The following NAALADL2 variants were observed in gnomAD, a reference collection of about 807,000 sequenced individuals.
NAALADL2 encodes the protein inactive N-acetylated-alpha-linked acidic dipeptidase-like protein 2.
NAALADL2 carries 76 observed loss-of-function variants against 87.2 expected under a neutral mutation model. The ratio of observed to expected loss-of-function variants is 0.87; its 90% CI spans 0.72 to 1.05. The LOEUF (loss-of-function observed/expected upper bound fraction) is 1.05. Ranked by LOEUF, NAALADL2 falls within the 50% of genes least tolerant of loss-of-function variation. The pLI, the probability that NAALADL2 is intolerant of heterozygous loss-of-function variation, is 0.00. For missense variants in NAALADL2, 1,089 were observed against 945.8 expected (o/e 1.15, Z -1.99); for synonymous variants, 354 against 331.0 (o/e 1.07, Z -0.75).
intron 1 of NAALADL2, among the ~76,000 whole-genome samples, chr3:174,885,055 A>T (rs1332842721): frequency 1.3e-5 from 2 of 152,038 alleles, no homozygotes; most frequent in Admixed American, 1.3e-4. Flanking sequence ...TCTGCTGGGG[A>T]TGGGGAAGTT....
intron 11 of NAALADL2, among the ~76,000 whole-genome samples, chr3:175,690,747 A>G (rs2149915054): frequency 6.6e-6 from 1 of 151,740 alleles, no homozygotes; most frequent in Non-Finnish European, 1.5e-5. Context: ...TTGAAGGATG[A>G]TACATGATAA....
intron 2 of NAALADL2, among the ~76,000 whole-genome samples, chr3:175,232,550 A>G (rs1031952263): frequency 1.3e-5 from 2 of 152,172 alleles, no homozygotes; most frequent in South Asian, 2.1e-4. Context: ...AACACTAACA[A>G]TAGCTGATAA....
chr3:174,766,988 T>G (rs1200464081), intron 3 of NAALADL2, among the ~76,000 whole-genome samples: 1 of 152,210 alleles, frequency 6.6e-6, no homozygotes, highest in East Asian at 1.9e-4. Context: ...TCCATGTGAA[T>G]GGCACTGCCT....
intron 1 of NAALADL2, among the ~76,000 whole-genome samples, chr3:175,083,221 C>T (rs1188165937): frequency 2.0e-5 from 3 of 152,310 alleles, no homozygotes; most frequent in South Asian, 2.1e-4. Context: ...CCGGAAACAA[C>T]CTTCACATCT....
At chr3:174,829,152 A>G (rs2109360818) in intron 3 of NAALADL2, among the ~76,000 whole-genome samples, 1 of 151,962 alleles carries the variant, frequency 6.6e-6, no homozygotes, top group East Asian at 1.9e-4. Context: ...TTTAGGGTAC[A>G]TGTACACATT....
intron 4 of NAALADL2, among the ~76,000 whole-genome samples, chr3:175,323,661 A>G (rs868510606): frequency 4.9e-4 from 43 of 87,270 alleles, no homozygotes; most frequent in African/African-American, 2.2e-3. Context: ...AAACCGGAGG[A>G]AAAAAAAAAA....
intron 11 of NAALADL2, among the ~76,000 whole-genome samples, chr3:175,706,027 T>A (rs1340215542): frequency 2.6e-5 from 4 of 152,064 alleles, no homozygotes; most frequent in Non-Finnish European, 5.9e-5. Flanking sequence ...GACTTCAAAT[T>A]TGGACTCCAA....
chr3:174,807,629 A>G (rs1719659758), intron 3 of NAALADL2, among the ~76,000 whole-genome samples: 2 of 152,142 alleles, frequency 1.3e-5, no homozygotes, highest in Non-Finnish European at 2.9e-5. Flanking sequence ...AGAACTAGAA[A>G]TGAGCAGAAC....
intron 1 of NAALADL2, among the ~76,000 whole-genome samples, chr3:175,060,248 G>T (rs1334130162): frequency 6.6e-6 from 1 of 152,080 alleles, no homozygotes; most frequent in Non-Finnish European, 1.5e-5. Context: ...AATCATACTT[G>T]GATTTCAATA....
chr3:175,469,242 A>G (rs1284623477), intron 8 of NAALADL2, among the ~76,000 whole-genome samples: 1 of 152,094 alleles, frequency 6.6e-6, no homozygotes, highest in Non-Finnish European at 1.5e-5. Context: ...AGTGCAATTC[A>G]TGAAGCCATT....
At chr3:175,695,820 T>C (rs930288467) in intron 11 of NAALADL2, among the ~76,000 whole-genome samples, 1 of 152,132 alleles carries the variant, frequency 6.6e-6, no homozygotes, top group Admixed American at 6.6e-5. Context: ...TAATAATATA[T>C]AGTACTCAAA....
intron 2 of NAALADL2, among the ~76,000 whole-genome samples, chr3:174,695,906 T>C (rs1317661832): frequency 6.6e-6 from 1 of 152,044 alleles, no homozygotes; most frequent in Non-Finnish European, 1.5e-5. Context: ...GAGCAGATTT[T>C]TGACTGTCAA....
At chr3:174,901,694 T>A (rs146408260) in intron 1 of NAALADL2, among the ~76,000 whole-genome samples, 172 of 152,218 alleles carry the variant, frequency 1.1e-3, no homozygotes, top group African/African-American at 4.0e-3. Context: ...CCATTTCCAG[T>A]CAGGTCAGAA....
chr3:175,624,037 C>A (rs975661983), intron 10 of NAALADL2, among the ~76,000 whole-genome samples: 1 of 151,684 alleles, frequency 6.6e-6, no homozygotes, highest in African/African-American at 2.4e-5. Flanking sequence ...TAGGTACAAA[C>A]AAGTTGTTTG....
At chr3:175,263,820 C>G (rs901458618) in intron 4 of NAALADL2, among the ~76,000 whole-genome samples, 12 of 151,306 alleles carry the variant, frequency 7.9e-5, no homozygotes, top group African/African-American at 2.9e-4. Context: ...CTAAAAGTAC[C>G]CATGTTTCAG....
intron 1 of NAALADL2, among the ~76,000 whole-genome samples, chr3:174,524,540 C>A (rs1371798233): frequency 6.6e-6 from 1 of 151,928 alleles, no homozygotes; most frequent in Non-Finnish European, 1.5e-5. Context: ...TTTAGGTGGT[C>A]CCATAAAATA....
chr3:175,578,816 G>T (rs1001816584), intron 10 of NAALADL2, among the ~76,000 whole-genome samples: 1 of 152,192 alleles, frequency 6.6e-6, no homozygotes, highest in Admixed American at 6.5e-5. Context: ...GAAATATTGT[G>T]TACTTTTTCT....
chr3:174,932,340 T>G (rs566867321), intron 1 of NAALADL2, among the ~76,000 whole-genome samples: 1 of 152,316 alleles, frequency 6.6e-6, no homozygotes, highest in East Asian at 1.9e-4. Flanking sequence ...TTATATAAAA[T>G]CAAGACATCA....
At chr3:175,298,868 T>C (rs2110202092) in intron 4 of NAALADL2, among the ~76,000 whole-genome samples, 1 of 152,328 alleles carries the variant, frequency 6.6e-6, no homozygotes, top group East Asian at 1.9e-4. Context: ...TGTTGTTTAT[T>C]TTTATCCTTT....
Sources: allele counts gnomAD v4.1 joint callset (sites outside exome capture counted in the v4.1 genomes callset), GRCh38; gene constraint gnomAD v4.1.1; transcripts MANE v1.5; gene names NCBI Gene and HGNC (gene_info 2026-07-23, HGNC 2026-07-21).